MEIS2: variants seen among roughly 807,000 people sequenced by gnomAD.
MEIS2 encodes the protein homeobox protein Meis2.
MEIS2 carries 9 observed loss-of-function variants against 58.6 expected under a neutral mutation model. That is an observed-to-expected ratio of 0.15 (90% CI 0.09 to 0.27). MEIS2 has a LOEUF of 0.27. MEIS2 is among the 10% of genes least tolerant of loss of function. The pLI is 1.00. For missense variants in MEIS2, 427 were observed against 635.0 expected (o/e 0.67, Z 3.52); for synonymous variants, 221 against 228.4 (o/e 0.97, Z 0.29).
At chr15:37,094,291 C>G (rs756420953) in intron 5 of MEIS2, among the ~76,000 whole-genome samples, 2 of 152,114 alleles carry the variant, frequency 1.3e-5, no homozygotes, top group Non-Finnish European at 2.9e-5. Flanking sequence ...CAAAATAATC[C>G]TGAATGCCTG....
chr15:36,917,524 G>C (rs985967511), intron 9 of MEIS2, among the ~76,000 whole-genome samples: 1 of 151,302 alleles, frequency 6.6e-6, no homozygotes, highest in African/African-American at 2.4e-5. Context: ...TACATGAATA[G>C]TGCTTTTGAA....
chr15:36,911,163 C>A (rs1477281677), intron 9 of MEIS2, among the ~76,000 whole-genome samples: 1 of 150,398 alleles, frequency 6.6e-6, no homozygotes, highest in Non-Finnish European at 1.5e-5. Flanking sequence ...CATATTTTTC[C>A]TACTCAATGA....
chr15:36,979,869 TAATA>T lies in MEIS2; in HGVS notation c.901-29473_901-29470del, dbSNP rs199759399. 6.3e-4 allele frequency among the ~76,000 whole-genome samples: 93 copies of T among 146,574 alleles called. 2 individuals carry two copies. In the East Asian group the frequency reaches 0.012, roughly 20 times the overall value. On this transcript the variant is annotated intron_variant, in intron 8 of 11. Coordinates refer to ENST00000561208, the MANE Select transcript of MEIS2 (RefSeq NM_170675.5). ...AAAATTCTCCATTTGTCAGTTTATA[TAATA>T]AATATATATAATAACACATATATAT...
chr15:36,948,621 C>A (rs188288528), intron 9 of MEIS2, among the ~76,000 whole-genome samples: 118 of 151,992 alleles, frequency 7.8e-4, no homozygotes, highest in African/African-American at 2.6e-3. Context: ...CGTCATGGAC[C>A]AATGTGTATA....
chr15:36,996,183 T>C (rs2060516240), intron 8 of MEIS2, among the ~76,000 whole-genome samples: 1 of 151,842 alleles, frequency 6.6e-6, no homozygotes, highest in African/African-American at 2.4e-5. Context: ...TCTCATTTAG[T>C]TCCAAACTAA....
intron 7 of MEIS2, among the ~76,000 whole-genome samples, chr15:37,058,011 A>G (rs1888676673): frequency 6.6e-6 from 1 of 152,190 alleles, no homozygotes; most frequent in Non-Finnish European, 1.5e-5. Flanking sequence ...ACCGGGGATC[A>G]ATGTTGGTGA....
chr15:36,937,779 A>C (rs544392020), intron 9 of MEIS2, among the ~76,000 whole-genome samples: 18 of 152,296 alleles, frequency 1.2e-4, no homozygotes, highest in East Asian at 1.9e-4. Context: ...AACAAACAAA[A>C]AAAAACCATG....
At chr15:37,025,442 T>C (rs1352415001) in intron 8 of MEIS2, among the ~76,000 whole-genome samples, 1 of 152,128 alleles carries the variant, frequency 6.6e-6, no homozygotes, top group Non-Finnish European at 1.5e-5. Flanking sequence ...TTATACATGG[T>C]AGAGATTTCT....
chr15:37,034,864 TG>T (rs1269638447), intron 8 of MEIS2, among the ~76,000 whole-genome samples: 1 of 152,260 alleles, frequency 6.6e-6, no homozygotes, highest in South Asian at 2.1e-4. Flanking sequence ...ATCACAGAGT[TG>T]GGGACTTGGA....
chr15:37,015,980 G>A lies in MEIS2; in HGVS notation c.900+20834C>T, dbSNP rs533739835. Among the ~76,000 whole-genome samples the A allele has an allele frequency of 3.9e-5, 6 of 152,140 alleles. No homozygotes were observed. In the East Asian group the frequency reaches 1.2e-3, roughly 29 times the overall value. Reference sequence around the variant, plus strand: ...AAATCACACACTCCCACAGCACATGGATGACTCAAAGCCAGTCCTCCTTTC... The same window carrying A: ...AAATCACACACTCCCACAGCACATGAATGACTCAAAGCCAGTCCTCCTTTC... On this transcript the variant is annotated intron_variant, in intron 8 of 11. Coordinates refer to ENST00000561208, the MANE Select transcript of MEIS2 (RefSeq NM_170675.5).
chr15:37,095,788 C>T, intron 3 of MEIS2, 174 bp from the exon 4 acceptor site: 1 of 884,802 alleles, frequency 1.1e-6, no homozygotes, highest in Non-Finnish European at 1.7e-6. Context: ...AGAATCAGGG[C>T]ATTCTGGTCC....
chr15:37,064,563 T>C (rs1178393676), intron 7 of MEIS2, among the ~76,000 whole-genome samples: 1 of 152,194 alleles, frequency 6.6e-6, no homozygotes, highest in Non-Finnish European at 1.5e-5. Context: ...CTTACTGCTA[T>C]GCAAAATGGA....
intron 8 of MEIS2, among the ~76,000 whole-genome samples, chr15:37,033,766 T>G (rs1249316925): frequency 1.3e-5 from 2 of 152,282 alleles, no homozygotes; most frequent in East Asian, 3.9e-4. Context: ...AAATCTAAAT[T>G]AACATGTCGC....
chr15:36,926,908 G>A (rs1223456576), intron 9 of MEIS2, among the ~76,000 whole-genome samples: 1 of 152,036 alleles, frequency 6.6e-6, no homozygotes, highest in Non-Finnish European at 1.5e-5. Context: ...GTCACCTGCT[G>A]GTATATTTCT....
At chr15:36,893,890 A>G (rs1188272357) in intron 11 of MEIS2, among the ~76,000 whole-genome samples, 2 of 152,242 alleles carry the variant, frequency 1.3e-5, no homozygotes, top group Non-Finnish European at 2.9e-5. Context: ...ATTCAGCCTC[A>G]TTAAACAAGG....
intron 7 of MEIS2, among the ~76,000 whole-genome samples, chr15:37,070,004 G>A (rs1029929116): frequency 6.6e-6 from 1 of 151,740 alleles, no homozygotes; most frequent in African/African-American, 2.4e-5. Flanking sequence ...CTCAATGGCC[G>A]CTTAAAAAAA....
intron 6 of MEIS2, among the ~76,000 whole-genome samples, chr15:37,092,905 T>C (rs1277063983): frequency 1.3e-5 from 2 of 152,000 alleles, no homozygotes; most frequent in South Asian, 2.1e-4. Flanking sequence ...CACTAACCTA[T>C]GGTTACTCAA....
intron 9 of MEIS2, among the ~76,000 whole-genome samples, chr15:36,931,485 G>A (rs2057975707): frequency 1.3e-5 from 2 of 152,158 alleles, no homozygotes; most frequent in Admixed American, 1.3e-4. Flanking sequence ...AATAACACCA[G>A]CATAATCTTA....
At chr15:37,083,099 C>T (rs978521955) in intron 7 of MEIS2, among the ~76,000 whole-genome samples, 1 of 152,262 alleles carries the variant, frequency 6.6e-6, no homozygotes, top group African/African-American at 2.4e-5. Flanking sequence ...TAATTGCTCT[C>T]TGTGCAATAG....
Sources: gnomAD v4.1 joint callset for allele counts (sites outside exome capture counted in the v4.1 genomes callset) on GRCh38, gnomAD v4.1.1 for gene constraint, MANE v1.5 for transcripts, NCBI Gene and HGNC (gene_info 2026-07-23, HGNC 2026-07-21) for gene names.